The following TMC6 variants were observed in gnomAD, a reference collection of about 807,000 sequenced individuals.
TMC6 encodes the protein transmembrane channel-like protein 6.
TMC6 carries 71 observed loss-of-function variants against 95.4 expected under a neutral mutation model. The observed-to-expected ratio is 0.74, with a 90% CI of 0.61 to 0.91. The LOEUF is 0.91. Among genes scored for constraint, TMC6 ranks in the 40% least tolerant of loss-of-function variants. The probability of loss-of-function intolerance (pLI) is 0.00; values close to 1 mark genes in which losing one functional copy is unlikely to be tolerated. For missense variants in TMC6, 1,074 were observed against 1,079.1 expected, an observed-to-expected ratio of 1.00 and a Z score of 0.07; for synonymous variants, 514 against 483.1, an observed-to-expected ratio of 1.06 and a Z score of -0.84.
chr17:78,126,442 T>C, intron 3 of TMC6, 76 bp from the exon 4 acceptor site: 4 of 1,607,634 alleles, frequency 2.5e-6, no homozygotes, highest in Non-Finnish European at 3.4e-6. Flanking sequence ...ATCCCAGGCC[T>C]GCAGAGCTGG....
In TMC6 at chr17:78,122,322, G is replaced by A. The variant is rs558227689; in HGVS notation, c.1227+283C>T. Among the ~76,000 whole-genome samples the A allele has an allele frequency of 6.6e-6, 1 of 152,062 alleles. No individual in the cohort carries two copies. The highest frequency in any genetic ancestry group is 2.4e-5 in the African/African-American group (1 of 41,404). ...AGGGAGCATGTGCCAGCTGGGGCCTGAGGCCTCAGGGCTGGCTCCCGGGTG... is the reference window on the plus strand; with the variant it reads ...AGGGAGCATGTGCCAGCTGGGGCCTAAGGCCTCAGGGCTGGCTCCCGGGTG... On this transcript the variant is annotated intron_variant, in intron 10 of 19. Coordinates refer to ENST00000590602, the MANE Select transcript of TMC6 (RefSeq NM_001127198.5). This position sits in a 1 kb window ranked among gnomAD's most constrained non-coding sequence, Gnocchi z 4.9.
chr17:78,124,856 GC>G, intron 7 of TMC6, 32 bp downstream of exon 7: 2 of 1,583,232 alleles, frequency 1.3e-6, no homozygotes, highest in Non-Finnish European at 1.7e-6. Context: ...CTGCCCAGCC[GC>G]CCCAGCCCCA....
intron 18 of TMC6, among the ~76,000 whole-genome samples, chr17:78,114,895 C>T (rs972776004): frequency 3.3e-5 from 5 of 151,652 alleles, no homozygotes. Context: ...GAGAAAGGTC[C>T]TTCCCATCCC....
chr17:78,128,790 C>A (rs2074874738), upstream of TMC6: 1 of 71,032 alleles, frequency 1.4e-5, no homozygotes, highest in Non-Finnish European at 2.9e-5. The surrounding 1 kb of genome is among the most constrained non-coding windows in gnomAD (Gnocchi z 4.0). Flanking sequence ...CCTCCCGGCC[C>A]ACGTGGGCGG....
In TMC6 at chr17:78,124,560, G is replaced by A; in HGVS notation, c.855C>T (p.Ala285=). Residue 285 remains alanine (A), a synonymous_variant, in exon 8 of 20, where the codon GCC becomes GCT. Transcript: ENST00000590602. ...GGAGCTCCAGGCCTGTGCAGACGGGGGCAGGGCCCGGCAGGGCGGGTGGGA... is the reference window on the plus strand; with the variant it reads ...GGAGCTCCAGGCCTGTGCAGACGGGAGCAGGGCCCGGCAGGGCGGGTGGGA... ...VAFPPALPGP[A]PVCTGLELLT... is the part of the protein sequence containing the mutation. 2 of 1,611,886 alleles carry A rather than the reference G, an allele frequency of 1.2e-6. No homozygotes were observed. Among genetic ancestry groups the A allele is most frequent in the Non-Finnish European group, 1.7e-6 (2 of 1,179,754 alleles).
upstream of TMC6, chr17:78,131,447 C>A (rs1280882442): frequency 4.1e-6 from 5 of 1,232,466 alleles, no homozygotes; most frequent in African/African-American, 3.0e-5. Flanking sequence ...GCCCCGACGC[C>A]GGCGCAGAGG....
At position 78,121,478 on chromosome 17, in the gene TMC6, T is replaced by G; in HGVS notation, c.1383+78A>C. ...CTGGGTGGAGGAGGAGAGGCAAGGC[T>G]GCCTCCCCAGGGGGCAGGTGCCCAG... On this transcript the variant is annotated intron_variant, in intron 11 of 19. Transcript: ENST00000590602. This position sits in a 1 kb window ranked among gnomAD's most constrained non-coding sequence, Gnocchi z 5.6. The G allele has an allele frequency of 6.2e-7, 1 of 1,600,156 alleles. No homozygotes were observed. The highest frequency in any genetic ancestry group is 8.5e-7 in the Non-Finnish European group (1 of 1,175,082).
chr17:78,117,245 G>A (rs778912786), intron 18 of TMC6, 24 bp downstream of exon 18: 4 of 1,611,948 alleles, frequency 2.5e-6, no homozygotes, highest in Admixed American at 3.3e-5. Flanking sequence ...TGGGGGCTGA[G>A]AGCAGCCCAG....
rs1207461643 is a variant in TMC6, at chr17:78,107,693, A to C, written c.*5455T>G. The C allele has an allele frequency of 3.3e-5, 5 of 152,218 alleles. 1 individual carries two copies. Among genetic ancestry groups the C allele is most frequent in the South Asian group, 2.1e-4 (1 of 4,830 alleles). The allele number at this position is 152,218 out of a possible 1,614,324, so 9.4% of individuals were successfully genotyped here. On this transcript the variant is annotated 3_prime_UTR_variant, in exon 20 of 20. Transcript: ENST00000590602. ...TAATCATCATCGAGAGGCACAGCCA[A>C]GCTTTCCAGCTCTCCACCCCCGTGG...
chr17:78,123,084 C>T (rs767118959), intron 9 of TMC6: 12 of 432,926 alleles, frequency 2.8e-5, no homozygotes, highest in South Asian at 2.3e-4. Flanking sequence ...ACCAAAACAT[C>T]TTCCCTGCTT....
Position 78,121,702 on chromosome 17 carries a change from C to G in TMC6, c.1237G>C (p.Ala413Pro), listed in dbSNP as rs555453763. 765 of 1,586,432 alleles carry G rather than the reference C, an allele frequency of 4.8e-4. 1 individual carries two copies. The highest frequency in any genetic ancestry group is 2.7e-3 in the South Asian group (245 of 89,298). The change falls in exon 11 of 20, where the codon GCC (alanine) becomes CCC (proline). Residue 413 changes from alanine (A) to proline (P), a missense_variant. Coordinates refer to ENST00000590602, the MANE Select transcript of TMC6 (RefSeq NM_001127198.5). This position sits in a 1 kb window ranked among gnomAD's most constrained non-coding sequence, Gnocchi z 5.6. ...GGGCTGTGCCGCAGCTGCCACTCGG[C>G]CAGCAGCTCCTGCAGGCGGCACCGT... The part of the protein sequence containing the change: ...NIRTRLKELL[A>P]EWQLRHSPRS...
At position 78,122,640 on chromosome 17, in the gene TMC6, G is replaced by C. The variant is rs551782028; in HGVS notation, c.1192C>G (p.Arg398Gly). 8 of 1,611,982 alleles carry C rather than the reference G, an allele frequency of 5.0e-6. No individual in the cohort carries two copies. Among genetic ancestry groups the C allele is most frequent in the Non-Finnish European group, 6.8e-6 (8 of 1,179,884 alleles). Residue 398 changes from arginine (R) to glycine (G), a missense_variant, in exon 10 of 20, where the codon CGC (arginine) becomes GGC (glycine). By Grantham distance (125) the Arg-to-Gly change is moderately radical (BLOSUM62 -2). Transcript: ENST00000590602. The surrounding 1 kb of genome is among the most constrained non-coding windows in gnomAD (Gnocchi z 4.9). ...GTGCGAATATTGTCCTGCTGGAGGCGGGAGGCCCGCTTCTGCGTCACCTTG... is the reference window on the plus strand; with the variant it reads ...GTGCGAATATTGTCCTGCTGGAGGCCGGAGGCCCGCTTCTGCGTCACCTTG... ...DYKVTQKRASRLQQDNIRTRL... is the reference protein window; with the variant it reads ...DYKVTQKRASGLQQDNIRTRL...
chr17:78,123,544 G>A (rs896872308), intron 9 of TMC6, among the ~76,000 whole-genome samples: 1 of 150,090 alleles, frequency 6.7e-6, no homozygotes, highest in Non-Finnish European at 1.5e-5. Context: ...TGGATGAATG[G>A]GTGGATGGGT....
intron 13 of TMC6, chr17:78,120,263 G>A (rs796115989): frequency 8.2e-6 from 3 of 363,728 alleles, no homozygotes; most frequent in South Asian, 4.1e-5. Flanking sequence ...AGGTTCAAGC[G>A]ATTCTCATGC....
At position 78,121,054 on chromosome 17, in the gene TMC6, C is replaced by G. The variant is rs745658426; in HGVS notation, c.1494G>C (p.Pro498=). The G allele has an allele frequency of 6.2e-7, 1 of 1,613,258 alleles. No individual in the cohort carries two copies. Among genetic ancestry groups the G allele is most frequent in the South Asian group, 1.1e-5 (1 of 91,082 alleles). The change falls in exon 12 of 20, where the codon CCG becomes CCC. Residue 498 remains proline, a synonymous_variant. Transcript: ENST00000590602. The surrounding 1 kb of genome is among the most constrained non-coding windows in gnomAD (Gnocchi z 5.6). ...YLCRVLAALE[P]HDSPVLEVYV... Reference sequence around the variant, plus strand: ...ACACCTCCAGTACCGGGGAGTCATGCGGCTCCAGGGCGGCCAGGACACGGC... The same window carrying G: ...ACACCTCCAGTACCGGGGAGTCATGGGGCTCCAGGGCGGCCAGGACACGGC...
At position 78,124,046 on chromosome 17, in the gene TMC6, G is replaced by A; in HGVS notation, c.1025C>T (p.Ala342Val). The change falls in exon 9 of 20, where the codon GCC (alanine) becomes GTC (valine). Residue 342 changes from alanine to valine, a missense_variant. Transcript: ENST00000590602. ...GCTCACGCCCACAGTGGAGAGGTAG[G>A]CCAGGGGCATGTTGTAGGGCAGGCC... ...VGGLPYNMPL[A>V]YLSTVGVSFF... 6.2e-7 allele frequency: 1 copy of A among 1,613,708 alleles called. No homozygotes were observed.
At position 78,125,170 on chromosome 17, in the gene TMC6, T is replaced by TCC. The variant is rs1319725266; in HGVS notation, c.523_524insGG (p.Lys175ArgfsTer54). On this transcript the variant is annotated frameshift_variant, in exon 6 of 20. Coordinates refer to ENST00000590602, the MANE Select transcript of TMC6 (RefSeq NM_001127198.5). LOFTEE classifies it high-confidence loss of function. ...CGGGGCTGCTCACCGCAGGCTGCGT[T>TCC]TCTCAGCCAGGCTTAAGGGCATCCC... is the stretch of plus-strand genomic sequence containing the variant. 6.4e-7 allele frequency: 1 copy of TCC among 1,570,498 alleles called. No individual in the cohort carries two copies. The highest frequency in any genetic ancestry group is 1.2e-5 in the South Asian group (1 of 85,872).
chr17:78,118,919 C>T (rs926145338), intron 15 of TMC6, 52 bp downstream of exon 15: 3 of 1,544,694 alleles, frequency 1.9e-6, no homozygotes, highest in Non-Finnish European at 2.6e-6. Context: ...GTCCTGCCCC[C>T]ACTGCCGGCC....
chr17:78,132,405 C>T, upstream of TMC6: 1 of 1,613,046 alleles, frequency 6.2e-7, no homozygotes, highest in Non-Finnish European at 8.5e-7. Context: ...TCCTCCGCTT[C>T]CTGCTGCTAC....
Sources: gnomAD v4.1 joint callset for allele counts (sites outside exome capture counted in the v4.1 genomes callset) on GRCh38, gnomAD v4.1.1 for gene constraint, Gnocchi (gnomAD v3.1) non-coding constraint, MANE v1.5 for transcripts, NCBI Gene and HGNC (gene_info 2026-07-23, HGNC 2026-07-21) for gene names.